Variants in WWOX observed in about 807,000 individuals in gnomAD.
WWOX encodes the protein WW domain containing oxidoreductase, also known as WW domain-containing oxidoreductase.
In WWOX, 69 loss-of-function variants were observed where a neutral mutation model predicts 46.2. The observed-to-expected ratio is 1.49, with a 90% confidence interval of 1.23 to 1.82. The LOEUF (loss-of-function observed/expected upper bound fraction) is 1.82. WWOX is among the 40% of genes most tolerant of loss of function. The pLI is 0.00. For synonymous variants in WWOX, 359 were observed against 202.6 expected, an observed-to-expected ratio of 1.77 and a Z score of -6.56; for missense variants, 919 against 542.6, an observed-to-expected ratio of 1.69 and a Z score of -6.89.
chr16:78,932,671 A>G (rs970706976), intron 8 of WWOX, among the ~76,000 whole-genome samples: 1 of 152,218 alleles, frequency 6.6e-6, no homozygotes, highest in African/African-American at 2.4e-5. Flanking sequence ...AATTCCCCCC[A>G]TGGGAGGACC....
intron 8 of WWOX, among the ~76,000 whole-genome samples, chr16:78,542,797 G>C (rs531960412): frequency 6.6e-6 from 1 of 152,102 alleles, no homozygotes; most frequent in African/African-American, 2.4e-5. Flanking sequence ...AAGTGCTTTC[G>C]TTTCCTTTCT....
chr16:79,156,282 C>T (rs1597428761), intron 8 of WWOX, among the ~76,000 whole-genome samples: 1 of 152,308 alleles, frequency 6.6e-6, no homozygotes, highest in African/African-American at 2.4e-5. Flanking sequence ...CCACGTCAAC[C>T]TCCAGAATAG....
chr16:79,155,350 T>G (rs1186163831), intron 8 of WWOX, among the ~76,000 whole-genome samples: 1 of 151,814 alleles, frequency 6.6e-6, no homozygotes, highest in Non-Finnish European at 1.5e-5. Context: ...CACTCCAGCC[T>G]GGCGACAGAG....
intron 8 of WWOX, among the ~76,000 whole-genome samples, chr16:78,454,876 T>G (rs898665709): frequency 6.6e-6 from 1 of 152,198 alleles, no homozygotes; most frequent in Non-Finnish European, 1.5e-5. Context: ...CACCCACTAT[T>G]GGTTTCACCA....
intron 8 of WWOX, among the ~76,000 whole-genome samples, chr16:78,662,351 AAGAG>A (rs1453120828): frequency 6.6e-6 from 1 of 152,196 alleles, no homozygotes; most frequent in Non-Finnish European, 1.5e-5. Context: ...ACTGGAAAAT[AAGAG>A]AGCGCAATGA....
intron 8 of WWOX, among the ~76,000 whole-genome samples, chr16:79,176,583 G>T (rs1163624766): frequency 6.6e-6 from 1 of 152,170 alleles, no homozygotes; most frequent in Non-Finnish European, 1.5e-5. Flanking sequence ...AATATACATA[G>T]AATGTATGGA....
chr16:78,819,569 G>T (rs936195303), intron 8 of WWOX, among the ~76,000 whole-genome samples: 1 of 152,208 alleles, frequency 6.6e-6, no homozygotes, highest in Non-Finnish European at 1.5e-5. Flanking sequence ...TGCCACTGTG[G>T]GTACTCTGCA....
chr16:78,790,615 C>G (rs941183966), intron 8 of WWOX, among the ~76,000 whole-genome samples: 4 of 152,174 alleles, frequency 2.6e-5, no homozygotes, highest in Non-Finnish European at 5.9e-5. Context: ...TTCTCTCTGG[C>G]AGATTAATTT....
chr16:78,384,922 T>C (rs920698103), intron 5 of WWOX, among the ~76,000 whole-genome samples: 3 of 151,944 alleles, frequency 2.0e-5, no homozygotes, highest in Non-Finnish European at 4.4e-5. Context: ...GATCACAAGG[T>C]CAAGAGATTG....
At chr16:79,079,033 A>C (rs2048712020) in intron 8 of WWOX, among the ~76,000 whole-genome samples, 1 of 152,236 alleles carries the variant, frequency 6.6e-6, no homozygotes, top group African/African-American at 2.4e-5. Flanking sequence ...GCATTGATCA[A>C]GGTAGGCTAA....
intron 8 of WWOX, among the ~76,000 whole-genome samples, chr16:79,072,919 G>T (rs562890171): frequency 6.6e-6 from 1 of 152,138 alleles, no homozygotes; most frequent in African/African-American, 2.4e-5. Context: ...GCCACTTTCA[G>T]CTAAGTGGAA....
intron 8 of WWOX, among the ~76,000 whole-genome samples, chr16:79,165,663 G>A (rs1333833818): frequency 3.9e-5 from 6 of 152,202 alleles, no homozygotes; most frequent in East Asian, 1.9e-4. Context: ...CTGGTTTTAC[G>A]CAGAGAAGTA....
intron 8 of WWOX, chr16:78,553,183 A>C (rs1486512150): frequency 6.6e-6 from 1 of 152,260 alleles, no homozygotes; most frequent in Non-Finnish European, 1.5e-5. Context: ...TGTTGGGCTT[A>C]ATACCTAGGC....
chr16:79,021,263 G>C (rs1211053928), intron 8 of WWOX, among the ~76,000 whole-genome samples: 1 of 152,006 alleles, frequency 6.6e-6, no homozygotes, highest in Non-Finnish European at 1.5e-5. Flanking sequence ...GGAATATTTG[G>C]GCTCTACAAG....
At position 78,797,729 on chromosome 16, in the gene WWOX, T is replaced by G. The variant is rs530600155; in HGVS notation, c.1056+364977T>G. Among the ~76,000 whole-genome samples the G allele has an allele frequency of 3.3e-5, 5 of 152,350 alleles. No individual in the cohort carries two copies. The East Asian group carries it at 9.6e-4, about 29-fold the overall frequency. On this transcript the variant is annotated intron_variant, in intron 8 of 8. Transcript: ENST00000566780. Reference sequence around the variant, plus strand: ...GAGGCCAGGTGCGTTAGGTCATGCCTGTAATCCCAGCACTTTGGGAGGTCG... The same window carrying G: ...GAGGCCAGGTGCGTTAGGTCATGCCGGTAATCCCAGCACTTTGGGAGGTCG...
intron 8 of WWOX, among the ~76,000 whole-genome samples, chr16:78,810,009 G>T (rs940525923): frequency 8.5e-5 from 13 of 152,102 alleles, no homozygotes; most frequent in Non-Finnish European, 2.9e-5. Context: ...CAAGAACATG[G>T]ATTCATCAAA....
intron 8 of WWOX, among the ~76,000 whole-genome samples, chr16:78,772,523 G>C (rs914388794): frequency 6.6e-6 from 1 of 152,124 alleles, no homozygotes; most frequent in East Asian, 1.9e-4. Context: ...TTAATGTGAT[G>C]ACTTCTGGGT....
At chr16:79,112,540 C>T (rs953465556) in intron 8 of WWOX, among the ~76,000 whole-genome samples, 4 of 152,172 alleles carry the variant, frequency 2.6e-5, no homozygotes, top group Non-Finnish European at 5.9e-5. Flanking sequence ...AAACCAACAT[C>T]CCCGGCAAAC....
intron 8 of WWOX, among the ~76,000 whole-genome samples, chr16:78,796,498 G>A (rs762882450): frequency 6.6e-6 from 1 of 152,362 alleles, no homozygotes; most frequent in South Asian, 2.1e-4. Flanking sequence ...GTCTGGTGAT[G>A]CCTCGAGGAG....
Sources: allele counts gnomAD v4.1 joint callset (sites outside exome capture counted in the v4.1 genomes callset), GRCh38; gene constraint gnomAD v4.1.1; transcripts MANE v1.5; gene names NCBI Gene and HGNC (gene_info 2026-07-23, HGNC 2026-07-21).